Variants in ARHGAP26 observed in about 807,000 individuals in gnomAD.
ARHGAP26 encodes Rho GTPase activating protein 26, also known as rho GTPase-activating protein 26.
A neutral mutation model predicts 104.8 loss-of-function variants in ARHGAP26; 38 were observed. The ratio of observed to expected loss-of-function variants is 0.36; its 90% CI spans 0.28 to 0.48. The LOEUF is 0.48. Among genes scored for constraint, ARHGAP26 ranks in the 20% least tolerant of loss-of-function variants. The pLI is 0.99. For synonymous variants in ARHGAP26, 341 were observed against 340.0 expected (o/e 1.00, Z -0.03); for missense variants, 704 against 947.9 (o/e 0.74, Z 3.38).
chr5:142,871,910 G>A lies in ARHGAP26; in HGVS notation c.155-1490G>A, dbSNP rs1037075671. On this transcript the variant is annotated intron_variant, in intron 1 of 22. Coordinates refer to ENST00000645722, the MANE Select transcript of ARHGAP26 (RefSeq NM_001135608.3). This position sits in a 1 kb window ranked among gnomAD's most constrained non-coding sequence, Gnocchi z 4.1. ...TCTCCACCCCAAGTGCCTTCTTTTG[G>A]TGTAGAGCAGAGCGCTTTGGACAAA... 6.6e-6 allele frequency among the ~76,000 whole-genome samples: 1 copy of A among 152,200 alleles called. No individual in the cohort carries two copies. The highest frequency in any genetic ancestry group is 6.5e-5 in the Admixed American group (1 of 15,286).
intron 17 of ARHGAP26, among the ~76,000 whole-genome samples, chr5:143,120,778 T>C (rs1007426938): frequency 5.3e-5 from 8 of 152,226 alleles, no homozygotes; most frequent in African/African-American, 1.9e-4. Flanking sequence ...ATAAAGCGTG[T>C]CATATCCTGA....
intron 1 of ARHGAP26, chr5:142,771,462 C>T: frequency 8.3e-7 from 1 of 1,202,264 alleles, no homozygotes; most frequent in Non-Finnish European, 1.0e-6. Flanking sequence ...GGTTAGCTTG[C>T]GATTCCTTGG....
At chr5:142,880,200 C>T (rs1047384628) in intron 4 of ARHGAP26, among the ~76,000 whole-genome samples, 1 of 152,166 alleles carries the variant, frequency 6.6e-6, no homozygotes, top group Non-Finnish European at 1.5e-5. Context: ...AAGGTGGATT[C>T]TCCAGGGCTC....
chr5:142,939,182 G>A (rs114990292), intron 11 of ARHGAP26, among the ~76,000 whole-genome samples: 7 of 152,284 alleles, frequency 4.6e-5, no homozygotes, highest in African/African-American at 1.7e-4. Flanking sequence ...GGTTGATCTC[G>A]GATAGATGAT....
chr5:142,888,225 C>T (rs372786115), intron 5 of ARHGAP26, among the ~76,000 whole-genome samples: 3 of 152,286 alleles, frequency 2.0e-5, no homozygotes, highest in African/African-American at 7.2e-5. Context: ...TTAGTGGTAG[C>T]GAGTTAACTC....
intron 1 of ARHGAP26, chr5:142,866,735 GA>G (rs1475020643): frequency 6.6e-6 from 1 of 152,168 alleles, no homozygotes; most frequent in Non-Finnish European, 1.5e-5. Flanking sequence ...CCTCATTTAG[GA>G]AATGCTGTTT....
chr5:142,811,154 T>A (rs1239760826), intron 1 of ARHGAP26, among the ~76,000 whole-genome samples: 1 of 152,182 alleles, frequency 6.6e-6, no homozygotes, highest in East Asian at 1.9e-4. Flanking sequence ...CCTCCTGGGG[T>A]TATTGTTAAG....
intron 17 of ARHGAP26, among the ~76,000 whole-genome samples, chr5:143,117,735 T>C (rs1401967719): frequency 6.6e-6 from 1 of 152,234 alleles, no homozygotes; most frequent in Non-Finnish European, 1.5e-5. Context: ...AGAGTAATTA[T>C]TACTCATTAA....
chr5:142,978,146 G>T (rs1773396669), intron 11 of ARHGAP26, among the ~76,000 whole-genome samples: 1 of 152,162 alleles, frequency 6.6e-6, no homozygotes, highest in South Asian at 2.1e-4. Flanking sequence ...TTGGCGTGGG[G>T]TCGGATCGCT....
intron 8 of ARHGAP26, 62 bp from the exon 9 acceptor site, chr5:142,907,642 G>T: frequency 8.6e-7 from 1 of 1,164,684 alleles, no homozygotes; most frequent in Non-Finnish European, 1.2e-6. Flanking sequence ...GGTTTTTCCA[G>T]CTCATGATGT....
chr5:142,891,175 A>AAGGCG, intron 5 of ARHGAP26, among the ~76,000 whole-genome samples: 1 of 152,070 alleles, frequency 6.6e-6, no homozygotes. Flanking sequence ...GCCCAGTTGG[A>AAGGCG]AGGCGTATCA....
At chr5:142,807,597 A>G (rs1370895321) in intron 1 of ARHGAP26, among the ~76,000 whole-genome samples, 1 of 152,110 alleles carries the variant, frequency 6.6e-6, no homozygotes, top group Admixed American at 6.5e-5. Context: ...AGACGGCTCT[A>G]TTGATTCAGC....
intron 1 of ARHGAP26, among the ~76,000 whole-genome samples, chr5:142,777,051 A>T (rs1756473966): frequency 6.6e-6 from 1 of 152,160 alleles, no homozygotes; most frequent in African/African-American, 2.4e-5. Flanking sequence ...TTTGTTGGCC[A>T]TTGGTGCGTC....
At chr5:143,023,839 C>G (rs1311088916) in intron 12 of ARHGAP26, among the ~76,000 whole-genome samples, 1 of 152,216 alleles carries the variant, frequency 6.6e-6, no homozygotes, top group Non-Finnish European at 1.5e-5. Context: ...GACAGACACT[C>G]TGCCTCCCTC....
intron 11 of ARHGAP26, among the ~76,000 whole-genome samples, chr5:143,007,166 G>GC (rs1778094345): frequency 1.4e-5 from 2 of 139,884 alleles, no homozygotes; most frequent in African/African-American, 2.7e-5. Flanking sequence ...CTGCACTCCA[G>GC]CCTGGTTGAC....
At chr5:142,863,215 A>T (rs1753680038) in intron 1 of ARHGAP26, among the ~76,000 whole-genome samples, 1 of 151,054 alleles carries the variant, frequency 6.6e-6, no homozygotes, top group South Asian at 2.1e-4. Context: ...GGTTCAAGCG[A>T]TTCTCCTGCC....
At chr5:142,799,345 G>A (rs1761606252) in intron 1 of ARHGAP26, among the ~76,000 whole-genome samples, 1 of 152,190 alleles carries the variant, frequency 6.6e-6, no homozygotes, top group Non-Finnish European at 1.5e-5. Flanking sequence ...GCTATATCCT[G>A]AGTAGTTTGC....
chr5:142,861,730 C>T (rs1753391305), intron 1 of ARHGAP26, among the ~76,000 whole-genome samples: 1 of 152,186 alleles, frequency 6.6e-6, no homozygotes, highest in Non-Finnish European at 1.5e-5. Flanking sequence ...CTAAGCACTT[C>T]AGTGCATCAT....
intron 1 of ARHGAP26, among the ~76,000 whole-genome samples, chr5:142,791,887 C>G (rs1759899988): frequency 6.7e-6 from 1 of 148,298 alleles, no homozygotes; most frequent in African/African-American, 2.5e-5. Flanking sequence ...TCGCTTGAAC[C>G]CGGGAGGCGG....
Sources: allele counts gnomAD v4.1 joint callset (sites outside exome capture counted in the v4.1 genomes callset), GRCh38; gene constraint gnomAD v4.1.1; non-coding constraint Gnocchi (gnomAD v3.1); transcripts MANE v1.5; gene names NCBI Gene and HGNC (gene_info 2026-07-23, HGNC 2026-07-21).